Variants in CNBD1 observed in about 807,000 individuals in gnomAD.
CNBD1 encodes the protein cyclic nucleotide binding domain containing 1.
CNBD1 carries 71 observed loss-of-function variants against 54.4 expected under a neutral mutation model. The ratio of observed to expected loss-of-function variants is 1.30; its 90% CI spans 1.08 to 1.59. CNBD1 has a LOEUF of 1.59. Among genes scored for constraint, CNBD1 ranks in the 40% most tolerant of loss-of-function variants. The pLI is 0.00. For missense variants in CNBD1, 659 were observed against 518.0 expected, an observed-to-expected ratio of 1.27 and a Z score of -2.64; for synonymous variants, 182 against 170.7, an observed-to-expected ratio of 1.07 and a Z score of -0.51.
At chr8:87,386,336 A>T (rs1438927582), downstream of CNBD1, among the ~76,000 whole-genome samples, 3 of 152,110 alleles carry the variant, frequency 2.0e-5, no homozygotes, top group Admixed American at 6.5e-5. Context: ...GGAAGTTCGA[A>T]CCCATGGCAA....
At chr8:87,412,368 A>G (rs377299984) in intron 2 of CNBD1, among the ~76,000 whole-genome samples, 2 of 152,126 alleles carry the variant, frequency 1.3e-5, no homozygotes, top group Non-Finnish European at 2.9e-5. Flanking sequence ...CTATGTCAAT[A>G]TATCACTTCT....
intron 4 of CNBD1, among the ~76,000 whole-genome samples, chr8:87,121,480 T>A (rs765547983): frequency 6.6e-6 from 1 of 151,874 alleles, no homozygotes; most frequent in Non-Finnish European, 1.5e-5. Flanking sequence ...TTCAAGCCAA[T>A]TGACATATTA....
chr8:87,316,256 G>T (rs967066329), intron 8 of CNBD1, among the ~76,000 whole-genome samples: 43 of 151,958 alleles, frequency 2.8e-4, no homozygotes, highest in Non-Finnish European at 3.5e-4. Flanking sequence ...AAATCTCAAG[G>T]AGGTGAAGAG....
chr8:86,982,274 A>G (rs1157666132), intron 4 of CNBD1, among the ~76,000 whole-genome samples: 3 of 152,176 alleles, frequency 2.0e-5, no homozygotes, highest in African/African-American at 7.2e-5. Context: ...TGTACTCTGG[A>G]AACAAGCAAT....
intron 4 of CNBD1, among the ~76,000 whole-genome samples, chr8:87,099,798 GGA>G (rs1307616263): frequency 6.6e-6 from 1 of 152,164 alleles, no homozygotes; most frequent in Non-Finnish European, 1.5e-5. Context: ...ACTCTTAAGT[GGA>G]GAATTTAAAT....
At chr8:87,334,450 G>T (rs775029347) in intron 8 of CNBD1, among the ~76,000 whole-genome samples, 1 of 151,796 alleles carries the variant, frequency 6.6e-6, no homozygotes, top group Non-Finnish European at 1.5e-5. Context: ...TGCTTCTCTA[G>T]TTCTTTTCAT....
intron 4 of CNBD1, among the ~76,000 whole-genome samples, chr8:87,052,869 C>T (rs991656897): frequency 1.3e-5 from 2 of 152,134 alleles, no homozygotes; most frequent in South Asian, 2.1e-4. Flanking sequence ...CTTTATTTGC[C>T]TAAGTTCTTG....
At chr8:87,068,356 G>A (rs533109074) in intron 4 of CNBD1, among the ~76,000 whole-genome samples, 4 of 151,874 alleles carry the variant, frequency 2.6e-5, no homozygotes, top group East Asian at 3.9e-4. Context: ...TTTTCATTTC[G>A]GAAGTATTAA....
At chr8:87,157,887 A>G (rs558316209) in intron 4 of CNBD1, among the ~76,000 whole-genome samples, 2 of 152,284 alleles carry the variant, frequency 1.3e-5, no homozygotes, top group Admixed American at 6.5e-5. Context: ...AAATCTTGCA[A>G]TGTTAGAGTT....
chr8:86,870,792 A>C (rs1159774244), intron 1 of CNBD1, among the ~76,000 whole-genome samples: 2 of 152,178 alleles, frequency 1.3e-5, no homozygotes, highest in Non-Finnish European at 2.9e-5. Flanking sequence ...TATAATGTAT[A>C]AAGAAACCAA....
chr8:87,056,426 G>A (rs1331066873), intron 4 of CNBD1, among the ~76,000 whole-genome samples: 1 of 152,036 alleles, frequency 6.6e-6, no homozygotes, highest in Admixed American at 6.6e-5. Context: ...TAATAGCATT[G>A]ACACTCATAT....
At chr8:87,312,199 C>A (rs574068133) in intron 8 of CNBD1, among the ~76,000 whole-genome samples, 3 of 152,118 alleles carry the variant, frequency 2.0e-5, no homozygotes, top group South Asian at 2.1e-4. Flanking sequence ...CCCCTCCCCC[C>A]AAAAATAAAA....
chr8:87,327,844 C>G (rs1809718201), intron 8 of CNBD1, among the ~76,000 whole-genome samples: 1 of 152,098 alleles, frequency 6.6e-6, no homozygotes, highest in Non-Finnish European at 1.5e-5. Context: ...CTTAGGTTTT[C>G]TTCTAGGAGT....
At chr8:87,028,408 T>C (rs1461453495) in intron 4 of CNBD1, among the ~76,000 whole-genome samples, 2 of 152,150 alleles carry the variant, frequency 1.3e-5, no homozygotes. Flanking sequence ...GAGCAATGCT[T>C]TTCAAGTCAG....
intron 4 of CNBD1, among the ~76,000 whole-genome samples, chr8:87,045,746 A>C (rs1810171748): frequency 6.9e-6 from 1 of 145,278 alleles, no homozygotes; most frequent in Non-Finnish European, 1.5e-5. Flanking sequence ...AAAAAAAAAC[A>C]GTACACATGT....
At chr8:87,238,654 T>C (rs1166313762) in intron 6 of CNBD1, among the ~76,000 whole-genome samples, 2 of 152,092 alleles carry the variant, frequency 1.3e-5, no homozygotes, top group African/African-American at 4.8e-5. Flanking sequence ...TCTATGTGCA[T>C]ATCTATCTCT....
At chr8:87,298,221 A>G (rs544208595) in intron 8 of CNBD1, among the ~76,000 whole-genome samples, 1 of 152,204 alleles carries the variant, frequency 6.6e-6, no homozygotes, top group South Asian at 2.1e-4. Flanking sequence ...CCCACTTGCA[A>G]ATAGACTATG....
intron 2 of CNBD1, among the ~76,000 whole-genome samples, chr8:86,891,380 C>G (rs922201018): frequency 9.9e-5 from 15 of 151,956 alleles, no homozygotes; most frequent in Admixed American, 2.6e-4. Flanking sequence ...GCAATTTTGT[C>G]AAAAATCAAT....
chr8:87,040,136 G>A (rs570621005), intron 4 of CNBD1, among the ~76,000 whole-genome samples: 1 of 152,300 alleles, frequency 6.6e-6, no homozygotes, highest in Admixed American at 6.5e-5. Context: ...TAATCTTGTG[G>A]GTAATTTGTT....
Sources: gnomAD v4.1 joint callset for allele counts (sites outside exome capture counted in the v4.1 genomes callset) on GRCh38, gnomAD v4.1.1 for gene constraint, MANE v1.5 for transcripts, NCBI Gene and HGNC (gene_info 2026-07-23, HGNC 2026-07-21) for gene names.